The following WDR12 variants were observed in gnomAD, a reference collection of about 807,000 sequenced individuals.
WDR12 encodes the protein WD repeat domain 12.
WDR12 carries 42 observed loss-of-function variants against 64.3 expected under a neutral mutation model. The ratio of observed to expected loss-of-function variants is 0.65; its 90% CI spans 0.51 to 0.84. The LOEUF (loss-of-function observed/expected upper bound fraction) is 0.84, where lower values mean the gene tolerates loss of function less well. Ranked by LOEUF, WDR12 falls within the 40% of genes least tolerant of loss-of-function variation. WDR12 has a pLI of 0.00. For synonymous variants in WDR12, 158 were observed against 173.3 expected (o/e 0.91, Z 0.70); for missense variants, 469 against 494.6 (o/e 0.95, Z 0.49).
chr2:202,905,350 G>A (rs1013523670), intron 2 of WDR12, among the ~76,000 whole-genome samples: 1 of 152,164 alleles, frequency 6.6e-6, no homozygotes, highest in African/African-American at 2.4e-5. Context: ...TTACTATTTT[G>A]CCCAGGCTGG....
At chr2:202,905,020 T>C (rs1688427656) in intron 2 of WDR12, among the ~76,000 whole-genome samples, 1 of 152,236 alleles carries the variant, frequency 6.6e-6, no homozygotes, top group African/African-American at 2.4e-5. Flanking sequence ...GGTTTGAACA[T>C]ACATTTCTCA....
intron 1 of WDR12, among the ~76,000 whole-genome samples, chr2:202,909,779 TTTA>T (rs1396914669): frequency 6.6e-5 from 10 of 151,450 alleles, no homozygotes; most frequent in African/African-American, 2.4e-4. Flanking sequence ...AAGCAAGAAT[TTTA>T]TTATTTATTT....
At chr2:202,884,996 T>C (rs1420150588) in intron 8 of WDR12, among the ~76,000 whole-genome samples, 1 of 152,174 alleles carries the variant, frequency 6.6e-6, no homozygotes, top group East Asian at 1.9e-4. Flanking sequence ...AAAATAACTA[T>C]AGAATATTCT....
At position 202,880,183 on chromosome 2, in the gene WDR12, T is replaced by TA. The variant is rs1408153179; in HGVS notation, c.*676dup. ...GAATGCTTTTTTAAAATAGCTAACTTAAAAAAATCTAAGTCTCTAACAGAA... is the reference window on the plus strand; with the variant it reads ...GAATGCTTTTTTAAAATAGCTAACTTAAAAAAAATCTAAGTCTCTAACAGAA... On this transcript the variant is annotated 3_prime_UTR_variant, in exon 13 of 13. Transcript: ENST00000261015. 1 of 152,134 alleles carries TA rather than the reference T, an allele frequency of 6.6e-6. No homozygotes were observed. The highest frequency in any genetic ancestry group is 1.5e-5 in the Non-Finnish European group (1 of 68,016). 9.4% of individuals were successfully genotyped at this position (152,134 alleles called of 1,614,324 possible). A position where few individuals can be genotyped will look rare whatever the true frequency, so the allele number is the denominator to read the frequency against.
chr2:202,883,220 C>T (rs974435023), intron 11 of WDR12, among the ~76,000 whole-genome samples: 1 of 152,156 alleles, frequency 6.6e-6, no homozygotes, highest in African/African-American at 2.4e-5. Flanking sequence ...ACTGCAACCT[C>T]CGCCTCCTGG....
chr2:202,877,835 T>C lies in WDR12; in HGVS notation c.*3025A>G, dbSNP rs1687889506. ...ACGGGAAAGCAGCACCACTCATTTA[T>C]CCAAGTGATTCTTGGGAATATATAA... is the stretch of plus-strand genomic sequence containing the variant. On this transcript the variant is annotated 3_prime_UTR_variant, in exon 13 of 13. Transcript: ENST00000261015. The C allele has an allele frequency of 6.6e-6, 1 of 152,228 alleles. No homozygotes were observed. 9.4% of individuals were successfully genotyped at this position (152,228 alleles called of 1,614,324 possible). A position where few individuals can be genotyped will look rare whatever the true frequency, so the allele number is the denominator to read the frequency against.
chr2:202,884,960 C>A (rs559056821), intron 8 of WDR12, among the ~76,000 whole-genome samples: 1 of 152,200 alleles, frequency 6.6e-6, no homozygotes, highest in African/African-American at 2.4e-5. Flanking sequence ...TTCTCCCCCC[C>A]TCTTTTCTTC....
At position 202,899,789 on chromosome 2, in the gene WDR12, G is replaced by T. The variant is rs1228895727; in HGVS notation, c.232-152C>A. Reference sequence around the variant, plus strand: ...AATTTGGAGCCATTCAAAAAGTCAAGAACTTTATTTGACCTAACTGTAAGC... The same window carrying T: ...AATTTGGAGCCATTCAAAAAGTCAATAACTTTATTTGACCTAACTGTAAGC... On this transcript the variant is annotated intron_variant, in intron 3 of 12. Coordinates refer to ENST00000261015, the MANE Select transcript of WDR12 (RefSeq NM_018256.4). 6.3e-6 allele frequency: 4 copies of T among 636,096 alleles called. No individual in the cohort carries two copies. In the Admixed American group the frequency reaches 9.2e-5, roughly 15 times the overall value. The allele number at this position is 636,096 out of a possible 1,614,324, so 39.4% of individuals were successfully genotyped here.
At chr2:202,901,688 C>T (rs1228140956) in intron 2 of WDR12, among the ~76,000 whole-genome samples, 1 of 152,046 alleles carries the variant, frequency 6.6e-6, no homozygotes, top group African/African-American at 2.4e-5. Context: ...CCTTTTTCTC[C>T]TTGCCATGTA....
Position 202,911,468 on chromosome 2 carries a change from C to G in WDR12, c.9G>C (p.Gln3His), listed in dbSNP as rs1422919770. MA[Q>H]LQTRFYTDNK... ...TATCAGTGTAGAAGCGTGTTTGGAG[C>G]TGAGCCATGGCGAGGAGTACACACG... The change falls in exon 1 of 13, where the codon CAG (glutamine) becomes CAC (histidine). Residue 3 changes from glutamine (Q) to histidine (H), a missense_variant. Coordinates refer to ENST00000261015, the MANE Select transcript of WDR12 (RefSeq NM_018256.4). 1.2e-6 allele frequency: 2 copies of G among 1,614,036 alleles called. No individual in the cohort carries two copies. The highest frequency in any genetic ancestry group is 3.3e-4 in the Middle Eastern group (2 of 6,082).
chr2:202,904,200 C>CA (rs780557829), intron 2 of WDR12, among the ~76,000 whole-genome samples: 2 of 109,744 alleles, frequency 1.8e-5, no homozygotes, highest in Non-Finnish European at 4.0e-5. Context: ...GAAGAGGACA[C>CA]AAAAAAATGG....
chr2:202,905,881 G>A (rs943669823), intron 2 of WDR12, among the ~76,000 whole-genome samples: 4 of 152,188 alleles, frequency 2.6e-5, no homozygotes, highest in Admixed American at 2.0e-4. Flanking sequence ...GAAGGGTAGT[G>A]GGGGAAGTGA....
At position 202,884,529 on chromosome 2, in the gene WDR12, T is replaced by C. The variant is rs752910054; in HGVS notation, c.748A>G (p.Ile250Val). The change falls in exon 9 of 13, where the codon ATA becomes GTA. Residue 250 changes from isoleucine (I) to valine (V), a missense_variant. Transcript: ENST00000261015. ...TEQLGLTRTP[I>V]VTLSGHMEAV... ...TCCATGTGGCCAGAGAGGGTCACTA[T>C]GGGAGTCTAGAAAGGAAGAACCCCA... is the stretch of plus-strand genomic sequence containing the variant. 3.1e-6 allele frequency: 5 copies of C among 1,606,734 alleles called. No homozygotes were observed. In the East Asian group the frequency reaches 8.9e-5, roughly 29 times the overall value.
intron 4 of WDR12, among the ~76,000 whole-genome samples, chr2:202,898,241 C>T (rs1252772275): frequency 6.6e-6 from 1 of 152,010 alleles, no homozygotes; most frequent in Non-Finnish European, 1.5e-5. Context: ...ACCTCTGCCT[C>T]CTGGGTTCAA....
intron 10 of WDR12, 29 bp downstream of exon 10, chr2:202,884,169 A>G: frequency 6.4e-7 from 1 of 1,573,746 alleles, no homozygotes. Context: ...ATTCACACAT[A>G]TATTCCCCCA....
At chr2:202,882,455 A>G (rs191065842) in intron 12 of WDR12, among the ~76,000 whole-genome samples, 1 of 152,082 alleles carries the variant, frequency 6.6e-6, no homozygotes, top group East Asian at 1.9e-4. Flanking sequence ...CAGCCTCCCA[A>G]GTAGCTGGAA....
chr2:202,901,178 G>A lies in WDR12; in HGVS notation c.137-59C>T, dbSNP rs1461753656. The A allele has an allele frequency of 6.0e-6, 8 of 1,341,136 alleles. No homozygotes were observed. The East Asian group carries it at 1.7e-4, about 28-fold the overall frequency. 83.1% of individuals were successfully genotyped at this position (1,341,136 alleles called of 1,614,324 possible). A position where few individuals can be genotyped will look rare whatever the true frequency, so the allele number is the denominator to read the frequency against. On this transcript the variant is annotated intron_variant, in intron 2 of 12. Coordinates refer to ENST00000261015, the MANE Select transcript of WDR12 (RefSeq NM_018256.4). ...AGTGTCTAAAGTAATATTGGCAGAG[G>A]TATATGAGAACTCCCAAAACAAACA... is the stretch of plus-strand genomic sequence containing the variant.
chr2:202,891,764 AC>A (rs1297168150), intron 8 of WDR12, among the ~76,000 whole-genome samples: 1 of 152,204 alleles, frequency 6.6e-6, no homozygotes, highest in Admixed American at 6.5e-5. Flanking sequence ...TCTAAACCTG[AC>A]TCAGTATTGC....
intron 5 of WDR12, among the ~76,000 whole-genome samples, chr2:202,896,693 AAAAC>A (rs938961674): frequency 3.5e-4 from 53 of 152,248 alleles, no homozygotes; most frequent in South Asian, 2.3e-3. Context: ...TCTGCCTCAA[AAAAC>A]AAACAAACAG....
Sources: gnomAD v4.1 joint callset for allele counts (sites outside exome capture counted in the v4.1 genomes callset) on GRCh38, gnomAD v4.1.1 for gene constraint, MANE v1.5 for transcripts, NCBI Gene and HGNC (gene_info 2026-07-23, HGNC 2026-07-21) for gene names.